SSR2: variants seen among roughly 807,000 people sequenced by gnomAD.
The protein encoded by SSR2 is translocon-associated protein subunit beta.
Under a neutral mutation model 22.6 loss-of-function variants are expected in SSR2, and 16 were observed. The ratio of observed to expected loss-of-function variants is 0.71; its 90% confidence interval spans 0.48 to 1.08. The LOEUF (loss-of-function observed/expected upper bound fraction) is 1.08. Among genes scored for constraint, SSR2 ranks in the 50% least tolerant of loss-of-function variants. The pLI, the probability that SSR2 is intolerant of heterozygous loss-of-function variation, is 0.00. For missense variants in SSR2, 171 were observed against 221.6 expected (o/e 0.77, Z 1.45); for synonymous variants, 83 against 91.2 (o/e 0.91, Z 0.51).
chr1:156,017,950 A>T (rs1683084683), intron 3 of SSR2, among the ~76,000 whole-genome samples: 1 of 151,130 alleles, frequency 6.6e-6, no homozygotes, highest in Non-Finnish European at 1.5e-5. Context: ...GGGTTTCACC[A>T]TGTTGGCCAG....
intron 4 of SSR2, chr1:156,012,585 C>T (rs761273991): frequency 3.3e-5 from 15 of 455,980 alleles, no homozygotes; most frequent in African/African-American, 1.2e-4. Context: ...GAAATGATAC[C>T]GGATGTGAAA....
At chr1:156,011,938 C>T (rs2102721280) in intron 4 of SSR2, 51 bp from the exon 5 acceptor site, 2 of 1,450,746 alleles carry the variant, frequency 1.4e-6, no homozygotes, top group Non-Finnish European at 1.9e-6. Context: ...CATGAAGTTC[C>T]ACCTCATCTA....
intron 3 of SSR2, among the ~76,000 whole-genome samples, chr1:156,017,649 G>A (rs1683076701): frequency 6.9e-6 from 1 of 144,870 alleles, no homozygotes; most frequent in Non-Finnish European, 1.5e-5. Context: ...TGCCTGGCCT[G>A]AATTTCTTTT....
chr1:156,012,561 T>G (rs1682992177), intron 4 of SSR2: 1 of 456,194 alleles, frequency 2.2e-6, no homozygotes, highest in Non-Finnish European at 4.4e-6. Context: ...GTCCTGAGGT[T>G]GGTTCTGAAA....
At position 156,014,794 on chromosome 1, in the gene SSR2, G is replaced by A. The variant is rs141038175; in HGVS notation, c.363+167C>T. 1,907 of 564,748 alleles carry A rather than the reference G, an allele frequency of 3.4e-3. 32 individuals are homozygous for A. The highest frequency in any genetic ancestry group is 0.033 in the African/African-American group (1,729 of 53,040). 35.0% of individuals were successfully genotyped at this position (564,748 alleles called of 1,614,324 possible). On this transcript the variant is annotated intron_variant, in intron 4 of 5. Transcript: ENST00000295702. ...TGACCTTAGGTGATCTGCCCACCTCGGCCTCCAAAAATGCTAGATTACAGG... is the reference window on the plus strand; with the variant it reads ...TGACCTTAGGTGATCTGCCCACCTCAGCCTCCAAAAATGCTAGATTACAGG...
chr1:156,019,471 G>A (rs959251590), intron 2 of SSR2, among the ~76,000 whole-genome samples: 6 of 151,928 alleles, frequency 3.9e-5, no homozygotes, highest in African/African-American at 1.2e-4. Flanking sequence ...TGCAACTTCC[G>A]CCTCCCGGGT....
chr1:156,017,096 G>C (rs1683069532), intron 3 of SSR2, among the ~76,000 whole-genome samples: 1 of 152,120 alleles, frequency 6.6e-6, no homozygotes, highest in Admixed American at 6.6e-5. Flanking sequence ...ACCAAGGCTG[G>C]AGTACAGCAG....
chr1:156,019,393 T>C (rs932867514), intron 2 of SSR2: 1 of 231,462 alleles, frequency 4.3e-6, no homozygotes, highest in Non-Finnish European at 9.2e-6. Flanking sequence ...TTACACTTTT[T>C]TTTTTTTGAG....
chr1:156,013,693 T>C (rs1241161780), intron 4 of SSR2: 1 of 153,422 alleles, frequency 6.5e-6, no homozygotes, highest in Non-Finnish European at 1.5e-5. Context: ...GAGAGAAGGC[T>C]GGAGGCAGAA....
At chr1:156,015,363 T>C (rs1234519812) in intron 3 of SSR2, among the ~76,000 whole-genome samples, 1 of 150,802 alleles carries the variant, frequency 6.6e-6, no homozygotes, top group African/African-American at 2.4e-5. Flanking sequence ...AAAAATTAGC[T>C]GGGCATGGCA....
At chr1:156,012,695 T>A in intron 4 of SSR2, 1 of 422,858 alleles carries the variant, frequency 2.4e-6, no homozygotes, top group Non-Finnish European at 4.8e-6. Context: ...TATGGTTGAC[T>A]GTGTTAAGTC....
At position 156,020,034 on chromosome 1, in the gene SSR2, T is replaced by A; in HGVS notation, c.134A>T (p.Asn45Ile). 6.2e-7 allele frequency: 1 copy of A among 1,614,108 alleles called. No individual in the cohort carries two copies. The highest frequency in any genetic ancestry group is 8.5e-7 in the Non-Finnish European group (1 of 1,179,970). ...TTACCTTGAGCCAACATTGTAGATG[T>A]TGTACTGCAAGGTCAGGTCTCGTCC... ...VEGRDLTLQY[N>I]IYNVGSSAAL... Residue 45 changes from asparagine to isoleucine, a missense_variant, in exon 2 of 6, where the codon AAC becomes ATC. Asn to Ile is a moderately radical substitution (Grantham distance 149). Coordinates refer to ENST00000295702, the MANE Select transcript of SSR2 (RefSeq NM_003145.4).
chr1:156,016,006 C>T (rs924348196), intron 3 of SSR2, among the ~76,000 whole-genome samples: 2 of 151,840 alleles, frequency 1.3e-5, no homozygotes, highest in Non-Finnish European at 2.9e-5. Flanking sequence ...CAAAAATTAG[C>T]TAGGCATGGT....
In SSR2 at chr1:156,018,146, C is replaced by T. The variant is rs904225687; in HGVS notation, c.254+124G>A. 5.8e-6 allele frequency: 4 copies of T among 695,612 alleles called. No individual in the cohort carries two copies. The African/African-American group carries it at 7.0e-5, about 12-fold the overall frequency. 43.1% of individuals were successfully genotyped at this position (695,612 alleles called of 1,614,324 possible). ...TTTACACCAACCTCTCTTGCTCCAT[C>T]TTATCCAGAGAGATGACAGGAGGAC... On this transcript the variant is annotated intron_variant, in intron 3 of 5. Coordinates refer to ENST00000295702, the MANE Select transcript of SSR2 (RefSeq NM_003145.4).
chr1:156,020,588 T>C (rs924826088), intron 1 of SSR2: 1 of 322,648 alleles, frequency 3.1e-6, no homozygotes, highest in Non-Finnish European at 6.2e-6. Context: ...ACAGCTCTAT[T>C]GGGATCCCAC....
intron 3 of SSR2, among the ~76,000 whole-genome samples, chr1:156,015,324 G>A (rs1486269650): frequency 2.0e-5 from 3 of 151,200 alleles, no homozygotes; most frequent in African/African-American, 7.3e-5. Context: ...TGGGCAACAC[G>A]GTGAAACCCC....
At chr1:156,011,908 A>G in intron 4 of SSR2, 21 bp from the exon 5 acceptor site, 1 of 1,599,438 alleles carries the variant, frequency 6.3e-7, no homozygotes, top group Non-Finnish European at 8.6e-7. Flanking sequence ...GAAAAGAACG[A>G]CATTAAGGGA....
intron 4 of SSR2, 165 bp downstream of exon 4, chr1:156,014,796 C>T: frequency 3.5e-6 from 2 of 577,600 alleles, no homozygotes; most frequent in South Asian, 4.1e-5. Flanking sequence ...CCCACCTCGG[C>T]CTCCAAAAAT....
In SSR2 at chr1:156,018,343, C is replaced by G; in HGVS notation, c.181G>C (p.Asp61His). Residue 61 changes from aspartate (D) to histidine (H), a missense_variant, in exon 3 of 6, where the codon GAT becomes CAT. By Grantham distance (81) the Asp-to-His change is moderately conservative. Coordinates refer to ENST00000295702, the MANE Select transcript of SSR2 (RefSeq NM_003145.4). ...SSAALDVELS[D>H]DSFPPEDFGI... ...AAGTCTTCTGGAGGGAAGGAATCAT[C>G]AGATAGTTCCACGTCTAATGCAGCA... The G allele has an allele frequency of 6.2e-7, 1 of 1,613,404 alleles. No individual in the cohort carries two copies. The highest frequency in any genetic ancestry group is 8.5e-7 in the Non-Finnish European group (1 of 1,179,668).
Sources: gnomAD v4.1 joint callset for allele counts (sites outside exome capture counted in the v4.1 genomes callset) on GRCh38, gnomAD v4.1.1 for gene constraint, MANE v1.5 for transcripts, NCBI Gene and HGNC (gene_info 2026-07-23, HGNC 2026-07-21) for gene names.